IL1RAPL1: variants seen among roughly 807,000 people sequenced by gnomAD.
The protein encoded by IL1RAPL1 is interleukin-1 receptor accessory protein-like 1.
A neutral mutation model predicts 48.4 loss-of-function variants in IL1RAPL1; 3 were observed. That is an observed-to-expected ratio of 0.06 (90% CI 0.03 to 0.16). The LOEUF is 0.16. Ranked by LOEUF, IL1RAPL1 falls within the 10% of genes least tolerant of loss-of-function variation. IL1RAPL1 has a pLI of 1.00. For missense variants in IL1RAPL1, 349 were observed against 530.6 expected, an observed-to-expected ratio of 0.66 and a Z score of 3.36; for synonymous variants, 185 against 187.7, an observed-to-expected ratio of 0.99 and a Z score of 0.12.
chrX:29,598,096 G>A (rs906404368), intron 5 of IL1RAPL1, among the ~76,000 whole-genome samples: 5 of 111,604 alleles, frequency 4.5e-5, no homozygotes, highest in East Asian at 2.8e-4. Context: ...TGCTTCTCCA[G>A]TTCCTTGAGG....
intron 6 of IL1RAPL1, among the ~76,000 whole-genome samples, chrX:29,699,448 G>A (rs1926996829): frequency 8.9e-6 from 1 of 112,167 alleles, no homozygotes; most frequent in Non-Finnish European, 1.9e-5. Flanking sequence ...TGTCTTTCTT[G>A]TAAAACAGTC....
chrX:29,632,858 G>A (rs192477428), intron 5 of IL1RAPL1, among the ~76,000 whole-genome samples: 25 of 111,844 alleles, frequency 2.2e-4, no homozygotes, highest in Admixed American at 2.2e-3. Context: ...ATATTTGTCT[G>A]CTACATGATA....
rs770623798 is a variant in IL1RAPL1 at position 29,341,612 on chromosome X, G to C, written c.363-54646G>C. 5.4e-5 allele frequency among the ~76,000 whole-genome samples: 6 copies of C among 110,964 alleles called. No homozygotes were observed. In the South Asian group the frequency reaches 2.3e-3, roughly 43 times the overall value. The stretch of plus-strand genomic sequence containing the variant: ...ATAATAGTGTAGTTGGAGCAAAGGA[G>C]GAAAAAGTTATTTTGGTAGAAGGAA... On this transcript the variant is annotated intron_variant, in intron 3 of 10. Coordinates refer to ENST00000378993, the MANE Select transcript of IL1RAPL1 (RefSeq NM_014271.4).
At chrX:29,852,761 C>G (rs771054682) in intron 6 of IL1RAPL1, among the ~76,000 whole-genome samples, 3 of 111,717 alleles carry the variant, frequency 2.7e-5, no homozygotes, top group Non-Finnish European at 3.8e-5. Flanking sequence ...TGACTATTTT[C>G]CTCATTCAAT....
intron 2 of IL1RAPL1, among the ~76,000 whole-genome samples, chrX:29,033,330 T>C (rs1454273546): frequency 9.0e-6 from 1 of 111,300 alleles, no homozygotes; most frequent in East Asian, 2.8e-4. Context: ...CACAAAAAAA[T>C]ATTGTCAGAA....
intron 5 of IL1RAPL1, among the ~76,000 whole-genome samples, chrX:29,421,423 T>G (rs1046063090): frequency 9.0e-6 from 1 of 110,581 alleles, no homozygotes; most frequent in African/African-American, 3.3e-5. Flanking sequence ...CCCACCCCTG[T>G]TCTCCCAGTT....
At chrX:29,874,337 G>A (rs1028543359) in intron 6 of IL1RAPL1, among the ~76,000 whole-genome samples, 2 of 111,969 alleles carry the variant, frequency 1.8e-5, no homozygotes, top group African/African-American at 6.5e-5. Flanking sequence ...CTCTAAGGCA[G>A]CTTAAAGCTA....
intron 2 of IL1RAPL1, among the ~76,000 whole-genome samples, chrX:29,198,961 T>C (rs1318316106): frequency 8.9e-6 from 1 of 111,953 alleles, no homozygotes; most frequent in Non-Finnish European, 1.9e-5. Flanking sequence ...CTCTCTTGCT[T>C]ATACTTTAAG....
chrX:29,758,795 C>CA (rs990292050), intron 6 of IL1RAPL1, among the ~76,000 whole-genome samples: 6 of 110,110 alleles, frequency 5.4e-5, no homozygotes, highest in African/African-American at 2.0e-4. Context: ...CAAAACAAAA[C>CA]AAAAAAACAA....
At chrX:29,284,775 C>T (rs1367658872) in intron 3 of IL1RAPL1, among the ~76,000 whole-genome samples, 1 of 111,609 alleles carries the variant, frequency 9.0e-6, no homozygotes, top group Non-Finnish European at 1.9e-5. Flanking sequence ...ACAAATGCAT[C>T]ATTCCTTTGG....
At chrX:29,478,366 T>A (rs1172386144) in intron 5 of IL1RAPL1, among the ~76,000 whole-genome samples, 1 of 111,827 alleles carries the variant, frequency 8.9e-6, no homozygotes, top group Admixed American at 9.5e-5. Flanking sequence ...TCAAAATTTA[T>A]CCAAAATTCT....
chrX:29,159,320 C>G (rs1406304624), intron 2 of IL1RAPL1, among the ~76,000 whole-genome samples: 3 of 110,957 alleles, frequency 2.7e-5, no homozygotes. Context: ...TAACATTGCT[C>G]TTTTTCACTG....
intron 5 of IL1RAPL1, among the ~76,000 whole-genome samples, chrX:29,628,521 C>T (rs1344632337): frequency 9.0e-6 from 1 of 111,499 alleles, no homozygotes; most frequent in Non-Finnish European, 1.9e-5. Flanking sequence ...GTTAAGAATT[C>T]CCCAGTCACT....
chrX:29,408,806 C>T lies in IL1RAPL1; in HGVS notation c.703+9498C>T, dbSNP rs1415196352. Among the ~76,000 whole-genome samples the T allele has an allele frequency of 4.5e-5, 5 of 112,097 alleles. No individual in the cohort carries two copies. In the East Asian group the frequency reaches 8.4e-4, roughly 19 times the overall value. ...AAGTGGCTTTATCAAGGTCACAAAA[C>T]GTCACAGTGACAAATTTAGAAATAA... On this transcript the variant is annotated intron_variant, in intron 5 of 10. Transcript: ENST00000378993.
chrX:28,910,045 C>T (rs998002201), intron 2 of IL1RAPL1, among the ~76,000 whole-genome samples: 12 of 111,713 alleles, frequency 1.1e-4, no homozygotes, highest in African/African-American at 3.9e-4. Context: ...ATGTCAACTA[C>T]AAGGAAATAT....
intron 2 of IL1RAPL1, among the ~76,000 whole-genome samples, chrX:28,924,956 T>C (rs1227763818): frequency 8.9e-6 from 1 of 112,094 alleles, no homozygotes; most frequent in Non-Finnish European, 1.9e-5. Context: ...TAACGAGTGT[T>C]GCCACAGTTT....
At chrX:29,225,745 C>T (rs944625932) in intron 2 of IL1RAPL1, among the ~76,000 whole-genome samples, 6 of 111,481 alleles carry the variant, frequency 5.4e-5, no homozygotes, top group African/African-American at 2.0e-4. Flanking sequence ...TCCTACACTC[C>T]TATAGAGACT....
chrX:29,113,101 G>A (rs143210393), intron 2 of IL1RAPL1, among the ~76,000 whole-genome samples: 2,685 of 111,561 alleles, frequency 0.024, 29 homozygotes, highest in Middle Eastern at 0.073. Context: ...GTGAGCCACC[G>A]TGCCCAGTCA....
chrX:28,682,161 A>T (rs1344486273), intron 1 of IL1RAPL1, among the ~76,000 whole-genome samples: 1 of 111,880 alleles, frequency 8.9e-6, no homozygotes, highest in African/African-American at 3.3e-5. Context: ...CATCATATAG[A>T]TATACCACAT....
Sources: gnomAD v4.1 joint callset for allele counts (sites outside exome capture counted in the v4.1 genomes callset) on GRCh38, gnomAD v4.1.1 for gene constraint, MANE v1.5 for transcripts, NCBI Gene and HGNC (gene_info 2026-07-23, HGNC 2026-07-21) for gene names.